The following SLC25A48 variants were observed in gnomAD, a reference collection of about 807,000 sequenced individuals.
The protein encoded by SLC25A48 is CTC-321K16.1.
SLC25A48 carries 29 observed loss-of-function variants against 32.2 expected under a neutral mutation model. The ratio of observed to expected loss-of-function variants is 0.90; its 90% CI spans 0.67 to 1.23. SLC25A48 has a LOEUF of 1.23. Among genes scored for constraint, SLC25A48 ranks in the 50% most tolerant of loss-of-function variants. The pLI, the probability that SLC25A48 is intolerant of heterozygous loss-of-function variation, is 0.00. For synonymous variants in SLC25A48, 164 were observed against 172.3 expected (o/e 0.95, Z 0.38); for missense variants, 399 against 422.7 (o/e 0.94, Z 0.49).
intron 3 of SLC25A48, among the ~76,000 whole-genome samples, chr5:135,799,629 G>A (rs1757272908): frequency 6.6e-6 from 1 of 151,554 alleles, no homozygotes; most frequent in Non-Finnish European, 1.5e-5. Context: ...CACCCACCAT[G>A]TAATATTGTT....
In SLC25A48 at chr5:135,603,543, G is replaced by A. The variant is rs182962198; in HGVS notation, c.-849+23946G>A. 9.3e-4 allele frequency among the ~76,000 whole-genome samples: 142 copies of A among 152,258 alleles called. 2 individuals are homozygous for A. In the East Asian group the frequency reaches 0.025, roughly 27 times the overall value. On this transcript the variant is annotated intron_variant, in intron 1 of 10. Transcript: ENST00000646290. ...CTGCCTCTGGCCTCATCCCTCTGAC[G>A]GCCCCTCCCTGTGTCTGGTGGTGGG... is the stretch of plus-strand genomic sequence containing the variant.
chr5:135,887,815 C>CAGGCAGCAGTGCCCCCTGTGCTCTTGA (rs1338883923), intron 7 of SLC25A48, among the ~76,000 whole-genome samples: 3 of 152,196 alleles, frequency 2.0e-5, no homozygotes, highest in Non-Finnish European at 4.4e-5. Flanking sequence ...TGTGCTCTTG[C>CAGGCAGCAGTGCCCCCTGTGCTCTTGA]AGGCAGCAGT....
Position 135,816,171 on chromosome 5 carries a change from A to C in SLC25A48, c.-117+3245A>C, listed in dbSNP as rs947879369. ...CTATCACAAGAACAGCACGGGGGAA[A>C]CCATCCCCATCATCCAATTACCTCC... On this transcript the variant is annotated intron_variant, in intron 4 of 10. Transcript: ENST00000646290. Among the ~76,000 whole-genome samples, 6 of 152,308 alleles carry C rather than the reference A, an allele frequency of 3.9e-5. No individual in the cohort carries two copies. The South Asian group carries it at 1.0e-3, about 26-fold the overall frequency.
At chr5:135,705,827 G>C (rs1009282197) in intron 3 of SLC25A48, among the ~76,000 whole-genome samples, 2 of 152,136 alleles carry the variant, frequency 1.3e-5, no homozygotes, top group African/African-American at 2.4e-5. Flanking sequence ...CCAGGGTATC[G>C]GGGATGTCCT....
chr5:135,658,892 T>G (rs977199027), intron 3 of SLC25A48, among the ~76,000 whole-genome samples: 1 of 152,210 alleles, frequency 6.6e-6, no homozygotes, highest in Admixed American at 6.5e-5. Flanking sequence ...GGGCACCATG[T>G]CTTGAGGCTG....
At chr5:135,740,535 G>T (rs1755477046) in intron 3 of SLC25A48, among the ~76,000 whole-genome samples, 1 of 152,160 alleles carries the variant, frequency 6.6e-6, no homozygotes, top group Non-Finnish European at 1.5e-5. Context: ...CTGTGTGCAT[G>T]TTATTTGTGC....
upstream of SLC25A48, chr5:135,834,534 T>G: frequency 2.4e-6 from 1 of 414,068 alleles, no homozygotes; most frequent in Non-Finnish European, 4.3e-6. Context: ...AAGGGAGGAC[T>G]AAGAGAATTT....
At chr5:135,771,252 G>A (rs35598179) in intron 3 of SLC25A48, among the ~76,000 whole-genome samples, 45,840 of 151,424 alleles carry the variant, frequency 0.3, 7,094 homozygotes, top group East Asian at 0.46. Context: ...CACGGGAATT[G>A]TACACCCCTC....
chr5:135,661,988 A>G (rs1411574545), intron 3 of SLC25A48, among the ~76,000 whole-genome samples: 1 of 152,192 alleles, frequency 6.6e-6, no homozygotes, highest in Non-Finnish European at 1.5e-5. Flanking sequence ...AGCAAAATGC[A>G]TATTCATTTT....
chr5:135,864,672 G>C (rs766031167), intron 4 of SLC25A48, among the ~76,000 whole-genome samples: 13 of 152,240 alleles, frequency 8.5e-5, no homozygotes, highest in Non-Finnish European at 1.6e-4. Context: ...AGAAGTCCTT[G>C]TTCTGAACGG....
intron 3 of SLC25A48, among the ~76,000 whole-genome samples, chr5:135,668,105 A>C (rs1401003645): frequency 6.6e-6 from 1 of 152,208 alleles, no homozygotes; most frequent in Non-Finnish European, 1.5e-5. Context: ...TTCACACTCT[A>C]AGATGTCATA....
At chr5:135,600,730 T>A (rs906930783) in intron 1 of SLC25A48, among the ~76,000 whole-genome samples, 1 of 152,098 alleles carries the variant, frequency 6.6e-6, no homozygotes, top group Non-Finnish European at 1.5e-5. Context: ...TTGCCCAGGC[T>A]GGAGTGCAGT....
intron 4 of SLC25A48, 33 bp from the exon 5 acceptor site, chr5:135,871,428 T>C: frequency 6.4e-7 from 1 of 1,558,566 alleles, no homozygotes; most frequent in Non-Finnish European, 8.7e-7. Context: ...ACACCCTGGG[T>C]CACTTGCCAC....
At chr5:135,854,608 T>C (rs6879905) in intron 4 of SLC25A48, among the ~76,000 whole-genome samples, 1 of 152,070 alleles carries the variant, frequency 6.6e-6, no homozygotes, top group South Asian at 2.1e-4. Context: ...TTATGTCCTT[T>C]CTCTGAGTTA....
chr5:135,721,000 A>C lies in SLC25A48; in HGVS notation c.-521+86044A>C, dbSNP rs79770334. ...TGCTCTTAGGGTAGGTAGCAGAGGG[A>C]GACCTGGCTAGAGGGCTCTGAGCTC... On this transcript the variant is annotated intron_variant, in intron 3 of 10. Coordinates refer to the SLC25A48 transcript ENST00000646290. Among the ~76,000 whole-genome samples the C allele has an allele frequency of 1.8e-3, 279 of 152,032 alleles. 1 individual carries two copies. The highest frequency in any genetic ancestry group is 6.3e-3 in the African/African-American group (261 of 41,470).
At chr5:135,767,323 C>T (rs1029151235) in intron 3 of SLC25A48, among the ~76,000 whole-genome samples, 2 of 151,758 alleles carry the variant, frequency 1.3e-5, no homozygotes, top group South Asian at 2.1e-4. Context: ...TCGTGGAAGG[C>T]GTACACTCGC....
intron 3 of SLC25A48, among the ~76,000 whole-genome samples, chr5:135,739,701 G>A (rs1755456966): frequency 1.3e-5 from 2 of 152,156 alleles, no homozygotes; most frequent in African/African-American, 4.8e-5. Context: ...TTTTCCATGT[G>A]TTGACACTTT....
intron 3 of SLC25A48, among the ~76,000 whole-genome samples, chr5:135,808,986 A>G (rs1250377416): frequency 1.3e-5 from 2 of 152,062 alleles, no homozygotes; most frequent in Non-Finnish European, 2.9e-5. Flanking sequence ...CCAAAGAGGG[A>G]GGAAAGTTTC....
At chr5:135,733,607 G>A (rs879692773) in intron 3 of SLC25A48, among the ~76,000 whole-genome samples, 23 of 152,262 alleles carry the variant, frequency 1.5e-4, no homozygotes, top group South Asian at 4.1e-4. Flanking sequence ...AGCGGCAGCC[G>A]CCACATGCAG....
Sources: allele counts gnomAD v4.1 joint callset (sites outside exome capture counted in the v4.1 genomes callset), GRCh38; gene constraint gnomAD v4.1.1; transcripts MANE v1.5; gene names NCBI Gene and HGNC (gene_info 2026-07-23, HGNC 2026-07-21).